DENND4C: variants seen among roughly 807,000 people sequenced by gnomAD.
DENND4C encodes the protein DENN domain-containing protein 4C.
DENND4C carries 108 observed loss-of-function variants against 203.0 expected under a neutral mutation model. The observed-to-expected ratio is 0.53, with a 90% CI of 0.46 to 0.62. The LOEUF is 0.62. Among genes scored for constraint, DENND4C ranks in the 20% least tolerant of loss-of-function variants. The pLI, the probability that DENND4C is intolerant of heterozygous loss-of-function variation, is 0.00. For missense variants in DENND4C, 2,481 were observed against 2,301.2 expected (o/e 1.08, Z -1.60); for synonymous variants, 871 against 792.4 (o/e 1.10, Z -1.67).
At position 19,346,863 on chromosome 9, in the gene DENND4C, C is replaced by T. The variant is rs780362996; in HGVS notation, c.4094C>T (p.Ser1365Phe). 1.9e-6 allele frequency: 3 copies of T among 1,614,216 alleles called. No homozygotes were observed. Among genetic ancestry groups the T allele is most frequent in the Non-Finnish European group, 1.7e-6 (2 of 1,180,036 alleles). ...FTGRFKQQTPSRTHKERSTSL... is the reference protein window; with the variant it reads ...FTGRFKQQTPFRTHKERSTSL... Reference sequence around the variant, plus strand: ...GGGCGTTTCAAGCAGCAAACCCCCTCTCGAACTCATAAAGAACGTTCAACT... The same window carrying T: ...GGGCGTTTCAAGCAGCAAACCCCCTTTCGAACTCATAAAGAACGTTCAACT... The change falls in exon 23 of 33, where the codon TCT (serine) becomes TTT (phenylalanine). Residue 1365 changes from serine to phenylalanine, a missense_variant. Around this residue, in one of 3 missense-constraint regions of DENND4C, gnomAD observed 2,289 missense variants for 2,113.3 expected, o/e 1.08. Coordinates refer to ENST00000434457, the MANE Select transcript of DENND4C (RefSeq NM_001330640.2).
At chr9:19,235,932 A>T (rs1821861275) in intron 1 of DENND4C, among the ~76,000 whole-genome samples, 1 of 151,386 alleles carries the variant, frequency 6.6e-6, no homozygotes, top group South Asian at 2.1e-4. Flanking sequence ...GTAATATTTT[A>T]ATTTGTTTTT....
chr9:19,307,660 CT>C (rs1165687510), intron 10 of DENND4C, among the ~76,000 whole-genome samples: 2 of 151,062 alleles, frequency 1.3e-5, no homozygotes, highest in Non-Finnish European at 2.9e-5. Flanking sequence ...ATCCCAACTA[CT>C]CGGGAGTCTG....
At chr9:19,267,683 C>T (rs780495621) in intron 1 of DENND4C, among the ~76,000 whole-genome samples, 2 of 152,014 alleles carry the variant, frequency 1.3e-5, no homozygotes, top group Admixed American at 6.6e-5. Flanking sequence ...ACTACAGGCA[C>T]ATGACACTGC....
chr9:19,343,032 T>G (rs1332167555), intron 22 of DENND4C, among the ~76,000 whole-genome samples: 1 of 152,146 alleles, frequency 6.6e-6, no homozygotes, highest in East Asian at 1.9e-4. Flanking sequence ...GTCCACCGTT[T>G]GGCCACTCTT....
chr9:19,316,310 G>A (rs1471586553), intron 10 of DENND4C, 107 bp from the exon 11 acceptor site: 4 of 823,194 alleles, frequency 4.9e-6, no homozygotes, highest in Admixed American at 5.5e-5. Context: ...TAAGACTGTA[G>A]TAAAAACATC....
At chr9:19,255,031 C>T (rs1011384877) in intron 1 of DENND4C, among the ~76,000 whole-genome samples, 3 of 151,904 alleles carry the variant, frequency 2.0e-5, no homozygotes, top group Non-Finnish European at 4.4e-5. Context: ...GTAATTCCAG[C>T]GACTCGGGAG....
At chr9:19,266,802 C>T (rs1289202981) in intron 1 of DENND4C, among the ~76,000 whole-genome samples, 3 of 152,132 alleles carry the variant, frequency 2.0e-5, no homozygotes, top group African/African-American at 7.2e-5. Context: ...GGATCCCTTC[C>T]TTACACCTTA....
At chr9:19,266,609 G>C (rs1398431902) in intron 1 of DENND4C, among the ~76,000 whole-genome samples, 2 of 152,126 alleles carry the variant, frequency 1.3e-5, no homozygotes, top group East Asian at 3.9e-4. Flanking sequence ...AAACAGCATG[G>C]TACTGGTACC....
At chr9:19,257,526 A>G (rs189549594) in intron 1 of DENND4C, among the ~76,000 whole-genome samples, 1 of 152,188 alleles carries the variant, frequency 6.6e-6, no homozygotes, top group Non-Finnish European at 1.5e-5. Context: ...TAAACTCTAC[A>G]TAAGCAGAGA....
intron 12 of DENND4C, among the ~76,000 whole-genome samples, chr9:19,317,701 A>C (rs188138605): frequency 6.6e-6 from 1 of 152,326 alleles, no homozygotes; most frequent in Admixed American, 6.5e-5. Context: ...AAGAAGTATA[A>C]AACCTAGCTC....
At chr9:19,265,428 T>C (rs1019202989) in intron 1 of DENND4C, among the ~76,000 whole-genome samples, 3 of 122,040 alleles carry the variant, frequency 2.5e-5, no homozygotes, top group African/African-American at 9.3e-5. Flanking sequence ...TTGTTACTGA[T>C]TTCTTTTTTA....
chr9:19,240,254 A>G (rs1057289753), intron 1 of DENND4C, among the ~76,000 whole-genome samples: 11 of 152,200 alleles, frequency 7.2e-5, no homozygotes, highest in South Asian at 6.2e-4. Context: ...CCTATAGCCT[A>G]TTGCTTCTAG....
At chr9:19,318,106 G>C (rs140564600) in intron 12 of DENND4C, among the ~76,000 whole-genome samples, 2 of 152,302 alleles carry the variant, frequency 1.3e-5, no homozygotes, top group East Asian at 3.9e-4. Flanking sequence ...ATCACCTGAG[G>C]TTACGAGTTC....
chr9:19,305,266 TG>T, intron 9 of DENND4C, 85 bp from the exon 10 acceptor site: 1 of 1,162,256 alleles, frequency 8.6e-7, no homozygotes, highest in Non-Finnish European at 1.2e-6. Flanking sequence ...TGCTTTTCAG[TG>T]GTCCCTTTTC....
chr9:19,285,785 A>C (rs142191330), intron 2 of DENND4C, among the ~76,000 whole-genome samples: 1 of 152,176 alleles, frequency 6.6e-6, no homozygotes, highest in Non-Finnish European at 1.5e-5. Context: ...GTGGATATCC[A>C]GTTATTCCAA....
intron 1 of DENND4C, among the ~76,000 whole-genome samples, chr9:19,269,361 G>A (rs535843570): frequency 2.2e-3 from 334 of 152,224 alleles, no homozygotes; most frequent in Non-Finnish European, 4.0e-3. Context: ...GTTTCACCAC[G>A]TTGGCCAGGC....
chr9:19,276,235 A>G lies in DENND4C; in HGVS notation c.61A>G (p.Thr21Ala). 8.1e-7 allele frequency: 1 copy of G among 1,232,096 alleles called. No individual in the cohort carries two copies. Among genetic ancestry groups the G allele is most frequent in the Non-Finnish European group, 1.0e-6 (1 of 987,898 alleles). 76.3% of individuals were successfully genotyped at this position (1,232,096 alleles called of 1,614,324 possible). ...CTTTGTCGTAGCTGGTCTCACTGAC[A>G]CATCTACTCTTTTGGATCAAGAAAT... ...DYFVVAGLTD[T>A]STLLDQEINR... The change falls in exon 2 of 33, where the codon ACA becomes GCA. Residue 21 changes from threonine (T) to alanine (A), a missense_variant. This residue lies in a region of DENND4C where 187 missense variants were observed against 167.4 expected (regional missense o/e 1.12). Transcript: ENST00000434457.
rs374700302 is a variant in DENND4C, at chr9:19,369,888, C to G, written c.5576C>G (p.Thr1859Ser). 1 of 1,613,386 alleles carries G rather than the reference C, an allele frequency of 6.2e-7. No homozygotes were observed. The highest frequency in any genetic ancestry group is 1.1e-5 in the South Asian group (1 of 90,954). ...TCAGAGGAACAACAAGAAACAAGCA[C>G]TTTAGTAGAAACCATCAGGCAGAGT... Reference protein sequence around the residue: ...LLSEEQQETSTLVETIRQSIQ... With the variant: ...LLSEEQQETSSLVETIRQSIQ... The change falls in exon 31 of 33, where the codon ACT (threonine) becomes AGT (serine). Residue 1859 changes from threonine to serine, a missense_variant. Physicochemically the swap from Thr to Ser is moderately conservative, Grantham distance 58 (BLOSUM62 1). This residue lies in a region of DENND4C where 2,289 missense variants were observed against 2,113.3 expected (regional missense o/e 1.08). Transcript: ENST00000434457.
intron 23 of DENND4C, among the ~76,000 whole-genome samples, chr9:19,349,074 C>T (rs569648390): frequency 8.5e-5 from 13 of 152,274 alleles, no homozygotes; most frequent in African/African-American, 2.9e-4. Context: ...GCTGGGATTA[C>T]AGCCATGAGC....
Sources: allele counts gnomAD v4.1 joint callset (sites outside exome capture counted in the v4.1 genomes callset), GRCh38; gene constraint gnomAD v4.1.1; regional missense constraint gnomAD v4.1.1; transcripts MANE v1.5; gene names NCBI Gene and HGNC (gene_info 2026-07-23, HGNC 2026-07-21).